The following KCNK9 variants were observed in gnomAD, a reference collection of about 807,000 sequenced individuals.
KCNK9 encodes potassium two pore domain channel subfamily K member 9.
Under a neutral mutation model 10.8 loss-of-function variants are expected in KCNK9, and 1 was observed. The observed-to-expected ratio is 0.09, with a 90% CI of 0.03 to 0.44. KCNK9 has a LOEUF of 0.44. Ranked by LOEUF, KCNK9 falls within the 20% of genes least tolerant of loss-of-function variation. KCNK9 has a pLI of 0.97. For synonymous variants in KCNK9, 231 were observed against 222.7 expected (o/e 1.04, Z -0.33); for missense variants, 303 against 515.0 (o/e 0.59, Z 3.98).
intron 1 of KCNK9, among the ~76,000 whole-genome samples, chr8:139,663,664 T>TGTGTGTGTGTGA (rs1816224132): frequency 6.6e-6 from 1 of 150,670 alleles, no homozygotes; most frequent in Admixed American, 6.6e-5. Flanking sequence ...TGTGTGTGTG[T>TGTGTGTGTGTGA]GTGTGTGTGT....
intron 1 of KCNK9, among the ~76,000 whole-genome samples, chr8:139,657,380 G>A (rs1348062736): frequency 1.3e-5 from 2 of 152,182 alleles, no homozygotes; most frequent in East Asian, 3.9e-4. Flanking sequence ...ACAGGAAGCT[G>A]CTTCCACCCT....
chr8:139,691,952 C>A (rs372442015), intron 1 of KCNK9, among the ~76,000 whole-genome samples: 2 of 152,126 alleles, frequency 1.3e-5, no homozygotes, highest in Admixed American at 6.5e-5. Context: ...AGCTGTTGGG[C>A]GGGTCATCCA....
intron 1 of KCNK9, among the ~76,000 whole-genome samples, chr8:139,678,671 GT>G (rs1816616572): frequency 6.6e-6 from 1 of 152,242 alleles, no homozygotes; most frequent in African/African-American, 2.4e-5. Context: ...AGGTCCACAG[GT>G]ACCTTCCTCT....
intron 1 of KCNK9, among the ~76,000 whole-genome samples, chr8:139,687,571 CAT>C (rs569835557): frequency 2.8e-4 from 26 of 92,266 alleles, no homozygotes; most frequent in African/African-American, 1.1e-3. Context: ...TACATATATT[CAT>C]ATATATGTAT....
chr8:139,632,637 C>T (rs1041853166), intron 1 of KCNK9, among the ~76,000 whole-genome samples: 1 of 152,008 alleles, frequency 6.6e-6, no homozygotes, highest in African/African-American at 2.4e-5. Flanking sequence ...CCTTCTGTTT[C>T]TGTCTCTGCC....
intron 1 of KCNK9, among the ~76,000 whole-genome samples, chr8:139,643,226 C>G (rs1287360523): frequency 6.6e-6 from 1 of 152,212 alleles, no homozygotes; most frequent in East Asian, 1.9e-4. Flanking sequence ...GCCTAAAACC[C>G]AAAAGGCCAG....
chr8:139,650,524 T>C (rs1815830581), intron 1 of KCNK9, among the ~76,000 whole-genome samples: 1 of 152,060 alleles, frequency 6.6e-6, no homozygotes, highest in South Asian at 2.1e-4. Context: ...CTCTCCCCTC[T>C]CCCTCATCCC....
intron 1 of KCNK9, among the ~76,000 whole-genome samples, chr8:139,689,702 G>A (rs953697778): frequency 6.0e-5 from 9 of 150,896 alleles, no homozygotes; most frequent in Non-Finnish European, 1.2e-4. Context: ...GAGCGCAGTG[G>A]CGTGATCTCG....
At chr8:139,667,219 C>T (rs1428506688) in intron 1 of KCNK9, among the ~76,000 whole-genome samples, 1 of 152,238 alleles carries the variant, frequency 6.6e-6, no homozygotes, top group African/African-American at 2.4e-5. Context: ...ACAGGGGATG[C>T]ACTCCAGGTC....
At chr8:139,673,436 G>T (rs1816482878) in intron 1 of KCNK9, among the ~76,000 whole-genome samples, 1 of 152,234 alleles carries the variant, frequency 6.6e-6, no homozygotes, top group Non-Finnish European at 1.5e-5. Context: ...ATTGTGAGGG[G>T]CAGCTTAGCG....
chr8:139,629,008 C>T lies in KCNK9; in HGVS notation c.284-9909G>A, dbSNP rs555112785. 2.6e-5 allele frequency among the ~76,000 whole-genome samples: 4 copies of T among 152,328 alleles called. 1 individual carries two copies. The highest frequency in any genetic ancestry group is 9.6e-5 in the African/African-American group (4 of 41,580). On this transcript the variant is annotated intron_variant, in intron 1 of 1. Coordinates refer to ENST00000520439, the MANE Select transcript of KCNK9 (RefSeq NM_001282534.2). Reference sequence around the variant, plus strand: ...CCAGCACCGCTTGCAGTGGCCTTGGCCAGCCTGGCTCCGACTGCAGTCGGC... The same window carrying T: ...CCAGCACCGCTTGCAGTGGCCTTGGTCAGCCTGGCTCCGACTGCAGTCGGC...
chr8:139,689,558 A>ATG (rs963467550), intron 1 of KCNK9, among the ~76,000 whole-genome samples: 10 of 152,022 alleles, frequency 6.6e-5, no homozygotes, highest in African/African-American at 2.4e-4. Context: ...GGCCAATGGT[A>ATG]TGTGGGAGAA....
At chr8:139,691,758 G>A (rs1206166903) in intron 1 of KCNK9, among the ~76,000 whole-genome samples, 1 of 152,160 alleles carries the variant, frequency 6.6e-6, no homozygotes, top group East Asian at 1.9e-4. Context: ...AAAGAGAAAA[G>A]GGGCTCTGAA....
chr8:139,647,045 C>T (rs1815710205), intron 1 of KCNK9, among the ~76,000 whole-genome samples: 2 of 152,264 alleles, frequency 1.3e-5, no homozygotes, highest in Non-Finnish European at 2.9e-5. Context: ...CCAGACCCTA[C>T]ACAAGGGACC....
At chr8:139,672,983 C>T (rs975279392) in intron 1 of KCNK9, among the ~76,000 whole-genome samples, 2 of 152,130 alleles carry the variant, frequency 1.3e-5, no homozygotes, top group Non-Finnish European at 2.9e-5. Flanking sequence ...GACAAGAAGG[C>T]GAGAGGAACA....
intron 1 of KCNK9, among the ~76,000 whole-genome samples, chr8:139,625,152 T>TA (rs1554619577): frequency 1.9e-4 from 29 of 151,936 alleles, no homozygotes; most frequent in African/African-American, 6.8e-4. Context: ...GTGCAGCCCT[T>TA]GGGGGTCAGA....
At chr8:139,627,304 T>G (rs1393504343) in intron 1 of KCNK9, among the ~76,000 whole-genome samples, 1 of 152,154 alleles carries the variant, frequency 6.6e-6, no homozygotes, top group African/African-American at 2.4e-5. Flanking sequence ...AACCCCTATT[T>G]CTACTGGGCA....
intron 2 of KCNK9, among the ~76,000 whole-genome samples, chr8:139,603,982 G>A (rs193174683): frequency 1.4e-4 from 21 of 152,308 alleles, no homozygotes; most frequent in Admixed American, 2.6e-4. Flanking sequence ...TGAGTTGGAC[G>A]GTCCCACAGC....
rs1035512339 is a variant in KCNK9 at position 139,632,031 on chromosome 8, A to G, written c.284-12932T>C. 2.6e-5 allele frequency among the ~76,000 whole-genome samples: 4 copies of G among 152,176 alleles called. No homozygotes were observed. In the East Asian group the frequency reaches 7.7e-4, roughly 29 times the overall value. ...TCCGGTCAAACCAGACCAGATGAGA[A>G]CCATAAAACCCGATGCCTCTTGGGA... On this transcript the variant is annotated intron_variant, in intron 1 of 1. Coordinates refer to ENST00000520439, the MANE Select transcript of KCNK9 (RefSeq NM_001282534.2).
Sources: gnomAD v4.1 joint callset for allele counts (sites outside exome capture counted in the v4.1 genomes callset) on GRCh38, gnomAD v4.1.1 for gene constraint, MANE v1.5 for transcripts, NCBI Gene and HGNC (gene_info 2026-07-23, HGNC 2026-07-21) for gene names.